Variants in IRAG2 observed in about 807,000 individuals in gnomAD.
IRAG2 encodes the protein inositol 1,4,5-triphosphate receptor associated 2, also known as lymphoid restricted membrane protein.
IRAG2 carries 45 observed loss-of-function variants against 69.9 expected under a neutral mutation model. The ratio of observed to expected loss-of-function variants is 0.64; its 90% CI spans 0.51 to 0.83. The LOEUF is 0.83. Among genes scored for constraint, IRAG2 ranks in the 40% least tolerant of loss-of-function variants. The pLI is 0.00. For synonymous variants in IRAG2, 193 were observed against 202.4 expected, an observed-to-expected ratio of 0.95 and a Z score of 0.40; for missense variants, 520 against 587.0, an observed-to-expected ratio of 0.89 and a Z score of 1.18.
upstream of IRAG2, among the ~76,000 whole-genome samples, chr12:25,000,890 G>A (rs1044237157): frequency 1.3e-5 from 2 of 152,156 alleles, no homozygotes; most frequent in Non-Finnish European, 2.9e-5. Context: ...AGCAAGTTGG[G>A]CTTGTATTTT....
chr12:25,002,451 C>T (rs1214294758), upstream of IRAG2, among the ~76,000 whole-genome samples: 1 of 152,136 alleles, frequency 6.6e-6, no homozygotes, highest in Non-Finnish European at 1.5e-5. Context: ...GAGGAGAAGG[C>T]ATGCACACAC....
intron 14 of IRAG2, among the ~76,000 whole-genome samples, chr12:25,092,564 CAAAAAAAA>C (rs55719913): frequency 1.1e-4 from 11 of 101,720 alleles, no homozygotes; most frequent in Non-Finnish European, 1.3e-4. Context: ...GACTCTATCT[CAAAAAAAA>C]AAAAAAAAAA....
chr12:25,097,554 G>C (rs1948495365), intron 15 of IRAG2: 1 of 152,204 alleles, frequency 6.6e-6, no homozygotes, highest in Non-Finnish European at 1.5e-5. Context: ...TGTCCTTAGA[G>C]AAGTAGAATT....
At chr12:25,005,306 G>C (rs12304147) in exon 2 of IRAG2, 12,476 of 1,231,326 alleles carry the variant, frequency 0.01, 174 homozygotes, top group African/African-American at 0.06. Flanking sequence ...GGCCTGTAAA[G>C]AAGAGGCACT....
At position 25,088,030 on chromosome 12, in the gene IRAG2, G is replaced by T. The variant is rs866510; in HGVS notation, c.316-70G>T. 7.8e-5 allele frequency: 90 copies of T among 1,147,658 alleles called. 1 individual carries two copies. The East Asian group carries it at 2.1e-3, about 27-fold the overall frequency. 71.1% of individuals were successfully genotyped at this position (1,147,658 alleles called of 1,614,324 possible). ...GTCAGAGTAGGCTTAGGAGAGGACAGGAAGTAGGAAAATGACTGGTTATGA... is the reference window on the plus strand; with the variant it reads ...GTCAGAGTAGGCTTAGGAGAGGACATGAAGTAGGAAAATGACTGGTTATGA... On this transcript the variant is annotated intron_variant, in intron 10 of 21. Coordinates refer to ENST00000556887, the MANE Select transcript of IRAG2 (RefSeq NM_001366544.2).
chr12:25,041,981 GTGTGTGTGTGTA>G (rs1279982064), intron 16 of IRAG2, among the ~76,000 whole-genome samples: 2 of 149,606 alleles, frequency 1.3e-5, no homozygotes, highest in Non-Finnish European at 3.0e-5. Context: ...GTGTGTGTGT[GTGTGTGTGTGTA>G]TGTGTATGTG....
Position 25,072,805 on chromosome 12 carries a change from G to C in IRAG2, c.24+3374G>C, listed in dbSNP as rs140810465. Among the ~76,000 whole-genome samples the C allele has an allele frequency of 2.4e-3, 358 of 152,258 alleles. 2 individuals carry two copies. The highest frequency in any genetic ancestry group is 8.3e-3 in the African/African-American group (345 of 41,548). ...CCTTTATTTCCCCATTGTTGTGTAT[G>C]GTTGTGCCTGTACGTCAGCCAAACC... is the stretch of plus-strand genomic sequence containing the variant. On this transcript the variant is annotated intron_variant, in intron 6 of 21. Coordinates refer to ENST00000556887, the MANE Select transcript of IRAG2 (RefSeq NM_001366544.2).
rs909375261 is a variant in IRAG2, at chr12:25,030,253, C to G, written c.1462-25C>G. The stretch of plus-strand genomic sequence containing the variant: ...TTTACCAAAGCAATGTCCCAACGGC[C>G]TTCCCTAAATTCGTCTCTTTTCAGA... On this transcript the variant is annotated intron_variant, in intron 9 of 38. Transcript: ENST00000636465. 8 of 1,229,550 alleles carry G rather than the reference C, an allele frequency of 6.5e-6. No homozygotes were observed. In the African/African-American group the frequency reaches 7.8e-5, roughly 12 times the overall value. The allele number at this position is 1,229,550 out of a possible 1,614,324, so 76.2% of individuals were successfully genotyped here. A position where few individuals can be genotyped will look rare whatever the true frequency, so the allele number is the denominator to read the frequency against.
intron 5 of IRAG2, chr12:25,017,094 G>C: frequency 8.2e-7 from 1 of 1,219,674 alleles, no homozygotes; most frequent in Non-Finnish European, 1.0e-6. Flanking sequence ...GAAGGAATTA[G>C]TGATGTGAAG....
upstream of IRAG2, among the ~76,000 whole-genome samples, chr12:25,002,025 C>A (rs1236500374): frequency 6.6e-6 from 1 of 152,020 alleles, no homozygotes; most frequent in Non-Finnish European, 1.5e-5. Flanking sequence ...CGCCTCAGCC[C>A]CCAAAGTGCT....
intron 10 of IRAG2, among the ~76,000 whole-genome samples, chr12:25,086,936 T>C (rs1442567876): frequency 6.6e-6 from 1 of 152,088 alleles, no homozygotes. Flanking sequence ...AACATATCTA[T>C]ATGCGGTAAA....
At chr12:25,069,220 A>G (rs1946172579) in intron 5 of IRAG2, 130 bp from the exon 6 acceptor site, 2 of 526,754 alleles carry the variant, frequency 3.8e-6, no homozygotes, top group East Asian at 3.0e-5. Context: ...TACTTAAACC[A>G]TGAACTTAAT....
chr12:25,087,899 T>C (rs1947747318), intron 10 of IRAG2, among the ~76,000 whole-genome samples: 1 of 152,138 alleles, frequency 6.6e-6, no homozygotes. Context: ...AACAGGTTCC[T>C]TCAGAAACTG....
intron 2 of IRAG2, among the ~76,000 whole-genome samples, chr12:25,062,535 A>G (rs1591975904): frequency 6.6e-6 from 1 of 152,360 alleles, no homozygotes. Flanking sequence ...TCTGAGTTGC[A>G]TCTCTAACAA....
intron 2 of IRAG2, among the ~76,000 whole-genome samples, chr12:25,008,596 A>G (rs774930797): frequency 6.6e-6 from 1 of 152,106 alleles, no homozygotes; most frequent in Non-Finnish European, 1.5e-5. Flanking sequence ...AAAATTACCC[A>G]GGCGTGGTGG....
chr12:25,036,917 A>G (rs1944706630), intron 15 of IRAG2, among the ~76,000 whole-genome samples: 1 of 151,272 alleles, frequency 6.6e-6, no homozygotes, highest in South Asian at 2.1e-4. Flanking sequence ...AAAATAATAA[A>G]TAAGATGATT....
intron 14 of IRAG2, among the ~76,000 whole-genome samples, chr12:25,092,400 CAAA>C (rs776677425): frequency 8.5e-6 from 1 of 117,360 alleles, no homozygotes; most frequent in South Asian, 2.8e-4. Flanking sequence ...AACTCCATCT[CAAA>C]AAAAAAAAAA....
intron 5 of IRAG2, among the ~76,000 whole-genome samples, chr12:25,016,348 C>G (rs777555403): frequency 1.3e-5 from 2 of 152,146 alleles, no homozygotes; most frequent in African/African-American, 2.4e-5. Flanking sequence ...AAATGATGCT[C>G]ATAAACATTG....
chr12:25,003,007 T>C (rs1271459857), upstream of IRAG2, among the ~76,000 whole-genome samples: 3 of 152,166 alleles, frequency 2.0e-5, no homozygotes, highest in Non-Finnish European at 4.4e-5. Flanking sequence ...GGTTGAGAGA[T>C]GGTCATTACC....
Sources: allele counts gnomAD v4.1 joint callset (sites outside exome capture counted in the v4.1 genomes callset), GRCh38; gene constraint gnomAD v4.1.1; transcripts MANE v1.5; gene names NCBI Gene and HGNC (gene_info 2026-07-23, HGNC 2026-07-21).